The following STAG1 variants were observed in gnomAD, a reference collection of about 807,000 sequenced individuals.
STAG1 encodes cohesin subunit SA-1.
STAG1 carries 26 observed loss-of-function variants against 170.9 expected under a neutral mutation model. That is an observed-to-expected ratio of 0.15 (90% CI 0.11 to 0.21). STAG1 has a LOEUF of 0.21. Among genes scored for constraint, STAG1 ranks in the 10% least tolerant of loss-of-function variants. STAG1 has a pLI of 1.00. For synonymous variants in STAG1, 514 were observed against 497.7 expected (o/e 1.03, Z -0.44); for missense variants, 964 against 1,509.5 (o/e 0.64, Z 5.99).
intron 11 of STAG1, 104 bp downstream of exon 11, chr3:136,473,435 G>A: frequency 1.2e-6 from 1 of 846,560 alleles, no homozygotes; most frequent in Non-Finnish European, 1.8e-6. Context: ...CTGTAATAAA[G>A]AATATGAACT....
intron 7 of STAG1, among the ~76,000 whole-genome samples, chr3:136,506,558 ATGGC>A: frequency 1.3e-5 from 2 of 150,862 alleles, no homozygotes; most frequent in South Asian, 4.2e-4. Context: ...AGGCAGGAGA[ATGGC>A]TTGAACCCAG....
At chr3:136,573,435 C>T (rs919285398) in intron 4 of STAG1, among the ~76,000 whole-genome samples, 1 of 151,946 alleles carries the variant, frequency 6.6e-6, no homozygotes, top group Admixed American at 6.5e-5. Context: ...AAAGGGTACA[C>T]ACATAGGGAA....
chr3:136,449,882 T>G (rs2088887700), intron 14 of STAG1, among the ~76,000 whole-genome samples: 1 of 151,290 alleles, frequency 6.6e-6, no homozygotes, highest in African/African-American at 2.4e-5. Flanking sequence ...TACTTATCAA[T>G]TTCTGAAACT....
intron 22 of STAG1, among the ~76,000 whole-genome samples, chr3:136,397,944 A>G (rs1002707163): frequency 1.3e-5 from 2 of 151,650 alleles, no homozygotes; most frequent in African/African-American, 2.4e-5. Context: ...CTATCTTTCA[A>G]TGATGTTATT....
chr3:136,359,445 C>T, intron 26 of STAG1, 149 bp from the exon 27 acceptor site: 1 of 522,764 alleles, frequency 1.9e-6, no homozygotes, highest in Non-Finnish European at 3.2e-6. Flanking sequence ...TCCCTTTCTA[C>T]AAATTGTCTA....
intron 1 of STAG1, among the ~76,000 whole-genome samples, chr3:136,689,950 G>C (rs1185158303): frequency 6.9e-6 from 1 of 145,286 alleles, no homozygotes; most frequent in Non-Finnish European, 1.5e-5. Flanking sequence ...GCAGACAGGA[G>C]AATCAGTTGA....
chr3:136,400,907 A>C (rs1390032304), intron 21 of STAG1, among the ~76,000 whole-genome samples: 1 of 152,200 alleles, frequency 6.6e-6, no homozygotes, highest in Non-Finnish European at 1.5e-5. Flanking sequence ...AATCTCTTTA[A>C]TGTCTGTCTT....
chr3:136,672,721 G>C (rs545004397), intron 1 of STAG1, among the ~76,000 whole-genome samples: 3 of 152,158 alleles, frequency 2.0e-5, no homozygotes, highest in East Asian at 1.9e-4. Context: ...ACACAGAGAG[G>C]GGGGAGATCC....
In STAG1 at chr3:136,575,168, A is replaced by G. The variant is rs377478958; in HGVS notation, c.298-6307T>C. ...TATTTATAATTTATAGCTAAGTTAC[A>G]GTTTATATAAAGAAGGGTTTAAATC... On this transcript the variant is annotated intron_variant, in intron 4 of 33. Coordinates refer to ENST00000383202, the MANE Select transcript of STAG1 (RefSeq NM_005862.3). 3.5e-4 allele frequency among the ~76,000 whole-genome samples: 53 copies of G among 152,344 alleles called. No individual in the cohort carries two copies. The East Asian group carries it at 0.01, about 29-fold the overall frequency.
At chr3:136,462,908 T>C (rs2089313646) in intron 13 of STAG1, among the ~76,000 whole-genome samples, 2 of 152,192 alleles carry the variant, frequency 1.3e-5, no homozygotes. Context: ...GTTACCAGTT[T>C]ATGGCTTCTA....
intron 1 of STAG1, among the ~76,000 whole-genome samples, chr3:136,676,805 TCTTA>T (rs1343895481): frequency 1.3e-5 from 2 of 152,226 alleles, no homozygotes; most frequent in East Asian, 3.9e-4. Flanking sequence ...TGATTTTATT[TCTTA>T]GACTTTTTTT....
chr3:136,533,598 C>G (rs1046497907), intron 6 of STAG1, among the ~76,000 whole-genome samples: 1 of 151,998 alleles, frequency 6.6e-6, no homozygotes, highest in Non-Finnish European at 1.5e-5. Context: ...GGCAGGGATG[C>G]CATACTTTAA....
intron 1 of STAG1, among the ~76,000 whole-genome samples, chr3:136,660,694 C>T: frequency 6.6e-6 from 1 of 151,728 alleles, no homozygotes; most frequent in East Asian, 1.9e-4. Flanking sequence ...ACTGGCGAGG[C>T]ATGGTGACTC....
chr3:136,615,129 T>C (rs961798720), intron 3 of STAG1, among the ~76,000 whole-genome samples: 2 of 151,692 alleles, frequency 1.3e-5, no homozygotes, highest in Non-Finnish European at 2.9e-5. Context: ...CTCATAAAAT[T>C]AGTTAAGAAT....
chr3:136,640,308 T>C, intron 1 of STAG1, among the ~76,000 whole-genome samples: 1 of 152,242 alleles, frequency 6.6e-6, no homozygotes, highest in South Asian at 2.1e-4. Context: ...GTGGTTACTT[T>C]AAATCCAAAG....
At chr3:136,426,616 A>G (rs1222782382) in intron 16 of STAG1, among the ~76,000 whole-genome samples, 2 of 152,208 alleles carry the variant, frequency 1.3e-5, no homozygotes, top group Non-Finnish European at 2.9e-5. Context: ...ACATGGCACC[A>G]TTCGCACATG....
chr3:136,413,978 G>GA (rs1344746328), intron 21 of STAG1, among the ~76,000 whole-genome samples: 1 of 152,136 alleles, frequency 6.6e-6, no homozygotes, highest in East Asian at 1.9e-4. Flanking sequence ...CATTATGTCT[G>GA]AAAAAACAAT....
intron 6 of STAG1, among the ~76,000 whole-genome samples, chr3:136,526,296 A>G (rs1034698252): frequency 6.6e-6 from 1 of 152,174 alleles, no homozygotes. Context: ...GGGTGAATAT[A>G]TATTTAGGAT....
intron 3 of STAG1, among the ~76,000 whole-genome samples, chr3:136,620,251 T>C (rs992064840): frequency 2.6e-5 from 4 of 152,078 alleles, no homozygotes; most frequent in Non-Finnish European, 5.9e-5. Context: ...AAGTGATGAA[T>C]AGTATTACTA....
Sources: gnomAD v4.1 joint callset for allele counts (sites outside exome capture counted in the v4.1 genomes callset) on GRCh38, gnomAD v4.1.1 for gene constraint, MANE v1.5 for transcripts, NCBI Gene and HGNC (gene_info 2026-07-23, HGNC 2026-07-21) for gene names.